The following EPB41L3 variants were observed in gnomAD, a reference collection of about 807,000 sequenced individuals.
The protein encoded by EPB41L3 is band 4.1-like protein 3.
In EPB41L3, 57 loss-of-function variants were observed where a neutral mutation model predicts 127.1. That is an observed-to-expected ratio of 0.45 (90% CI 0.36 to 0.56). The LOEUF (loss-of-function observed/expected upper bound fraction) is 0.56, where lower values mean the gene tolerates loss of function less well. Among genes scored for constraint, EPB41L3 ranks in the 20% least tolerant of loss-of-function variants. The pLI, the probability that EPB41L3 is intolerant of heterozygous loss-of-function variation, is 0.00. For synonymous variants in EPB41L3, 572 were observed against 549.5 expected, an observed-to-expected ratio of 1.04 and a Z score of -0.57; for missense variants, 1,273 against 1,372.2, an observed-to-expected ratio of 0.93 and a Z score of 1.14.
chr18:5,406,648 A>C, intron 16 of EPB41L3, 129 bp downstream of exon 16: 1 of 793,570 alleles, frequency 1.3e-6, no homozygotes, highest in Non-Finnish European at 1.9e-6. Context: ...TGAGCATCTC[A>C]GCTCAGGTTA....
chr18:5,508,766 C>CAAAAAAAAAAAAAAAAAAAAAAAAAAAAA (rs397969769), intron 1 of EPB41L3, among the ~76,000 whole-genome samples: 1 of 52,594 alleles, frequency 1.9e-5, no homozygotes, highest in African/African-American at 6.1e-5. Context: ...GACTCCATCT[C>CAAAAAAAAAAAAAAAAAAAAAAAAAAAAA]AAAAAAAAAA....
At position 5,433,555 on chromosome 18, in the gene EPB41L3, C is replaced by T. The variant is rs1436647162; in HGVS notation, c.826G>A (p.Gly276Arg). Residue 276 changes from glycine to arginine, a missense_variant and splice_region_variant, in exon 8 of 23, where the codon GGA (glycine) becomes AGA (arginine). Around this residue, in one of 3 missense-constraint regions of EPB41L3, gnomAD observed 326 missense variants for 440.2 expected, o/e 0.74. Transcript: ENST00000341928. ...KVIELHKSHR[G>R]MTPAEAEMHF... Reference sequence around the variant, plus strand: ...ATCTCTGCTTCTGCTGGCGTCATTCCTCTGATGAGAAGAAAAATATGTTAC... The same window carrying T: ...ATCTCTGCTTCTGCTGGCGTCATTCTTCTGATGAGAAGAAAAATATGTTAC... 1 of 1,611,168 alleles carries T rather than the reference C, an allele frequency of 6.2e-7. No individual in the cohort carries two copies. The highest frequency in any genetic ancestry group is 1.1e-5 in the South Asian group (1 of 90,668).
At chr18:5,561,852 C>A (rs975170260) in intron 3 of EPB41L3, among the ~76,000 whole-genome samples, 1 of 152,194 alleles carries the variant, frequency 6.6e-6, no homozygotes, top group Non-Finnish European at 1.5e-5. Context: ...CCCGATATGA[C>A]AGAGGGCACG....
chr18:5,564,469 G>A (rs1452576671), intron 3 of EPB41L3, among the ~76,000 whole-genome samples: 1 of 152,124 alleles, frequency 6.6e-6, no homozygotes, highest in Admixed American at 6.5e-5. Flanking sequence ...ACAGACTTGA[G>A]CATAATCATA....
At chr18:5,452,268 A>T (rs1363272542) in intron 3 of EPB41L3, among the ~76,000 whole-genome samples, 11 of 152,006 alleles carry the variant, frequency 7.2e-5, no homozygotes, top group Non-Finnish European at 1.5e-4. Context: ...CTCTAAAAAT[A>T]TTTTACTTTT....
chr18:5,605,301 C>T (rs2094638654), intron 3 of EPB41L3, among the ~76,000 whole-genome samples: 1 of 152,202 alleles, frequency 6.6e-6, no homozygotes, highest in Non-Finnish European at 1.5e-5. Flanking sequence ...TCTTAAGAAA[C>T]ACAATCTATG....
At position 5,410,653 on chromosome 18, in the gene EPB41L3, G is replaced by A. The variant is rs755970865; in HGVS notation, c.2068-34C>T. On this transcript the variant is annotated intron_variant, in intron 13 of 22. Transcript: ENST00000341928. The stretch of plus-strand genomic sequence containing the variant: ...CACAGAAGTGATCAGGTTCCAGGAG[G>A]AAGGCAGGGACAGAAAGTAAACCAT... The A allele has an allele frequency of 1.6e-5, 26 of 1,594,362 alleles. No homozygotes were observed. In the African/African-American group the frequency reaches 2.9e-4, roughly 18 times the overall value.
rs1050110405 is a variant in EPB41L3 at position 5,392,640 on chromosome 18, C to A, written c.*845G>T. The A allele has an allele frequency of 6.6e-6, 1 of 152,604 alleles. No homozygotes were observed. The highest frequency in any genetic ancestry group is 1.9e-4 in the East Asian group (1 of 5,182). The allele number at this position is 152,604 out of a possible 1,614,324, so 9.5% of individuals were successfully genotyped here. ...GAAGAAAAATCAATTAAAAAATACA[C>A]GGCACGGAAAAAGTAACTAAGAAAA... On this transcript the variant is annotated 3_prime_UTR_variant, in exon 23 of 23. Coordinates refer to ENST00000341928, the MANE Select transcript of EPB41L3 (RefSeq NM_012307.5).
At chr18:5,465,832 C>T (rs1238399869) in intron 3 of EPB41L3, among the ~76,000 whole-genome samples, 4 of 152,166 alleles carry the variant, frequency 2.6e-5, no homozygotes, top group African/African-American at 4.8e-5. Context: ...ACCATATTAA[C>T]AATCCTCCAG....
intron 3 of EPB41L3, among the ~76,000 whole-genome samples, chr18:5,564,391 T>G (rs1266794093): frequency 6.6e-6 from 1 of 152,118 alleles, no homozygotes; most frequent in Non-Finnish European, 1.5e-5. Flanking sequence ...AGGAGAAAGA[T>G]AGGATGCTAG....
At chr18:5,395,221 G>A in intron 20 of EPB41L3, 74 bp from the exon 21 acceptor site, 1 of 1,213,506 alleles carries the variant, frequency 8.2e-7, no homozygotes, top group Non-Finnish European at 1.2e-6. Context: ...GGGGGAAATG[G>A]CCGAAGATGC....
chr18:5,495,188 T>C (rs1026780310), intron 1 of EPB41L3, among the ~76,000 whole-genome samples: 1 of 152,202 alleles, frequency 6.6e-6, no homozygotes, highest in Non-Finnish European at 1.5e-5. Context: ...AGTTCAAATC[T>C]TGAAGGCCAA....
chr18:5,538,989 T>C (rs1160739283), intron 1 of EPB41L3, among the ~76,000 whole-genome samples: 1 of 143,944 alleles, frequency 6.9e-6, no homozygotes, highest in Non-Finnish European at 1.5e-5. Flanking sequence ...TTAAGCTTTC[T>C]CCAAGATTTT....
At chr18:5,552,519 G>A (rs994035524) in intron 3 of EPB41L3, among the ~76,000 whole-genome samples, 1 of 152,108 alleles carries the variant, frequency 6.6e-6, no homozygotes, top group Non-Finnish European at 1.5e-5. Flanking sequence ...AAAATTAGAG[G>A]AGCCAGTAGG....
Position 5,393,163 on chromosome 18 carries a change from C to A in EPB41L3, c.*322G>T, listed in dbSNP as rs576331151. 107 of 310,458 alleles carry A rather than the reference C, an allele frequency of 3.4e-4. No homozygotes were observed. In the South Asian group the frequency reaches 0.012, roughly 36 times the overall value. 19.2% of individuals were successfully genotyped at this position (310,458 alleles called of 1,614,324 possible). A position where few individuals can be genotyped will look rare whatever the true frequency, so the allele number is the denominator to read the frequency against. The stretch of plus-strand genomic sequence containing the variant: ...TGAATTGTTTATGTGTTACATGAGA[C>A]CACGGTTTATATTGTTGGTTATGAA... On this transcript the variant is annotated 3_prime_UTR_variant, in exon 23 of 23. Coordinates refer to ENST00000341928, the MANE Select transcript of EPB41L3 (RefSeq NM_012307.5).
At chr18:5,436,674 C>T (rs536308299) in intron 6 of EPB41L3, among the ~76,000 whole-genome samples, 203 of 152,204 alleles carry the variant, frequency 1.3e-3, no homozygotes, top group Non-Finnish European at 5.4e-4. Flanking sequence ...TCCCAAAGTG[C>T]TGGGATTACA....
chr18:5,397,452 A>G lies in EPB41L3; in HGVS notation c.2473-26T>C. 2 of 1,580,810 alleles carry G rather than the reference A, an allele frequency of 1.3e-6. No individual in the cohort carries two copies. The highest frequency in any genetic ancestry group is 4.5e-5 in the East Asian group (2 of 44,402). ...CTGCATGGGAAGAGATTGTGGCATC[A>G]GTGTGACCATCCATAAACCAAAGGT... is the stretch of plus-strand genomic sequence containing the variant. On this transcript the variant is annotated intron_variant, in intron 17 of 22. Transcript: ENST00000341928. The surrounding 1 kb of genome is among the most constrained non-coding windows in gnomAD (Gnocchi z 4.1).
Position 5,419,799 on chromosome 18 carries a change from T to C in EPB41L3, c.1418A>G (p.Lys473Arg), listed in dbSNP as rs146356489. The C allele has an allele frequency of 5.6e-6, 9 of 1,614,118 alleles. No homozygotes were observed. The highest frequency in any genetic ancestry group is 7.6e-6 in the Non-Finnish European group (9 of 1,180,054). The change falls in exon 12 of 23, where the codon AAG becomes AGG. Residue 473 changes from lysine to arginine, a missense_variant. Lys to Arg is a conservative substitution (Grantham distance 26). Transcript: ENST00000341928. Reference sequence around the variant, plus strand: ...TTCCTCGTCCCGCTCCTCCTCAGCCTTCTTCTCCGGAGTCACAGTGGTGAT... The same window carrying C: ...TTCCTCGTCCCGCTCCTCCTCAGCCCTCTTCTCCGGAGTCACAGTGGTGAT... The part of the protein sequence containing the change: ...NLITTVTPEK[K>R]AEEERDEEED...
chr18:5,597,437 G>C (rs1400686920), intron 3 of EPB41L3, among the ~76,000 whole-genome samples: 1 of 151,942 alleles, frequency 6.6e-6, no homozygotes, highest in Non-Finnish European at 1.5e-5. Context: ...AAAATTCTGA[G>C]GTTTTACAAT....
Sources: allele counts gnomAD v4.1 joint callset (sites outside exome capture counted in the v4.1 genomes callset), GRCh38; gene constraint gnomAD v4.1.1; regional missense constraint gnomAD v4.1.1; non-coding constraint Gnocchi (gnomAD v3.1); transcripts MANE v1.5; gene names NCBI Gene and HGNC (gene_info 2026-07-23, HGNC 2026-07-21).